The following CCSER1 variants were observed in gnomAD, a reference collection of about 807,000 sequenced individuals.
The protein encoded by CCSER1 is serine-rich coiled-coil domain-containing protein 1.
In CCSER1, 41 loss-of-function variants were observed where a neutral mutation model predicts 82.0. The ratio of observed to expected loss-of-function variants is 0.50; its 90% confidence interval spans 0.39 to 0.65. The LOEUF is 0.65. Among genes scored for constraint, CCSER1 ranks in the 30% least tolerant of loss-of-function variants. The pLI is 0.00. For synonymous variants in CCSER1, 414 were observed against 383.9 expected (o/e 1.08, Z -0.92); for missense variants, 1,119 against 1,064.2 (o/e 1.05, Z -0.72).
rs554991954 is a variant in CCSER1 at position 91,080,639 on chromosome 4, G to T, written c.2173-5311G>T. 2.6e-5 allele frequency among the ~76,000 whole-genome samples: 4 copies of T among 152,142 alleles called. No homozygotes were observed. In the South Asian group the frequency reaches 8.3e-4, roughly 32 times the overall value. On this transcript the variant is annotated intron_variant, in intron 9 of 10. Transcript: ENST00000509176. Reference sequence around the variant, plus strand: ...CAATGAATCCTGGAGCTGGTTTTCTGAAAAGATCAACAAAATTGATAGACC... The same window carrying T: ...CAATGAATCCTGGAGCTGGTTTTCTTAAAAGATCAACAAAATTGATAGACC...
chr4:91,442,262 A>G (rs1469001366), intron 10 of CCSER1, among the ~76,000 whole-genome samples: 2 of 151,934 alleles, frequency 1.3e-5, no homozygotes, highest in East Asian at 1.9e-4. Flanking sequence ...TGGTACTGGT[A>G]CCAAAACAGA....
intron 5 of CCSER1, among the ~76,000 whole-genome samples, chr4:90,522,561 G>A (rs1238999449): frequency 6.6e-6 from 1 of 152,068 alleles, no homozygotes; most frequent in Non-Finnish European, 1.5e-5. Flanking sequence ...TCAAGCCCAA[G>A]TTTTTCCCTC....
chr4:90,931,245 A>G (rs1213034545), intron 9 of CCSER1, among the ~76,000 whole-genome samples: 1 of 151,584 alleles, frequency 6.6e-6, no homozygotes, highest in Non-Finnish European at 1.5e-5. Flanking sequence ...TATTATTCCT[A>G]TTATAGAAGT....
At chr4:91,399,210 A>G (rs1752173736) in intron 10 of CCSER1, among the ~76,000 whole-genome samples, 1 of 151,932 alleles carries the variant, frequency 6.6e-6, no homozygotes, top group Non-Finnish European at 1.5e-5. Flanking sequence ...TGATCATGCA[A>G]GACATGATAA....
intron 6 of CCSER1, among the ~76,000 whole-genome samples, chr4:90,629,503 T>C (rs1355886317): frequency 1.3e-5 from 2 of 152,296 alleles, no homozygotes; most frequent in East Asian, 1.9e-4. Flanking sequence ...ATGAGACTTA[T>C]TCACTACCAT....
chr4:90,620,572 C>T (rs552943326), intron 5 of CCSER1, among the ~76,000 whole-genome samples: 50 of 152,150 alleles, frequency 3.3e-4, no homozygotes, highest in Non-Finnish European at 6.2e-4. Flanking sequence ...AATAGTTACA[C>T]AGTTAATTAT....
intron 1 of CCSER1, among the ~76,000 whole-genome samples, chr4:90,244,156 G>C (rs1720983010): frequency 6.6e-6 from 1 of 152,186 alleles, no homozygotes; most frequent in African/African-American, 2.4e-5. Context: ...GCTGCACACA[G>C]AGGTTATTTA....
At chr4:91,570,549 G>A (rs899841831) in intron 10 of CCSER1, among the ~76,000 whole-genome samples, 5 of 152,190 alleles carry the variant, frequency 3.3e-5, no homozygotes, top group Admixed American at 2.0e-4. Flanking sequence ...ACATGTGTAA[G>A]CCACCAAGGC....
chr4:91,296,624 G>C (rs1744207312), intron 10 of CCSER1, among the ~76,000 whole-genome samples: 1 of 148,814 alleles, frequency 6.7e-6, no homozygotes, highest in African/African-American at 2.5e-5. Flanking sequence ...GGTATATATA[G>C]TTGTGTGTAT....
At chr4:90,589,805 A>G (rs1200742761) in intron 5 of CCSER1, among the ~76,000 whole-genome samples, 1 of 152,204 alleles carries the variant, frequency 6.6e-6, no homozygotes, top group African/African-American at 2.4e-5. Flanking sequence ...TTCTATTTAA[A>G]CTAGAAACTT....
chr4:90,543,365 T>C (rs138424911), intron 5 of CCSER1, among the ~76,000 whole-genome samples: 20 of 152,290 alleles, frequency 1.3e-4, no homozygotes, highest in East Asian at 5.8e-4. Context: ...ATTGTAAATA[T>C]GCAGGTGGGC....
chr4:90,342,116 G>T (rs1244050547), intron 3 of CCSER1, among the ~76,000 whole-genome samples: 1 of 152,132 alleles, frequency 6.6e-6, no homozygotes, highest in African/African-American at 2.4e-5. Flanking sequence ...GTAAATGCAG[G>T]CAGTGTGTAA....
At chr4:91,506,116 T>C (rs180873300) in intron 10 of CCSER1, among the ~76,000 whole-genome samples, 1 of 152,258 alleles carries the variant, frequency 6.6e-6, no homozygotes, top group East Asian at 1.9e-4. Flanking sequence ...TTGTATAAGG[T>C]GTAAGGAAGG....
chr4:90,407,227 A>G (rs112360003), intron 4 of CCSER1, among the ~76,000 whole-genome samples: 4,971 of 152,310 alleles, frequency 0.033, 96 homozygotes, highest in African/African-American at 0.057. Flanking sequence ...CAAAGCTACC[A>G]TGAACACCTT....
intron 10 of CCSER1, among the ~76,000 whole-genome samples, chr4:91,376,655 G>A (rs574211793): frequency 6.6e-6 from 1 of 152,226 alleles, no homozygotes; most frequent in African/African-American, 2.4e-5. Context: ...TAAACTAAGA[G>A]ATGAAGTTTT....
At chr4:90,619,164 T>G (rs939962082) in intron 5 of CCSER1, among the ~76,000 whole-genome samples, 3 of 151,962 alleles carry the variant, frequency 2.0e-5, no homozygotes, top group Non-Finnish European at 4.4e-5. Flanking sequence ...GGAACTGAAC[T>G]TCTAGCAAAT....
intron 1 of CCSER1, among the ~76,000 whole-genome samples, chr4:90,161,624 A>T (rs747791080): frequency 1.3e-5 from 2 of 152,118 alleles, no homozygotes; most frequent in South Asian, 2.1e-4. Context: ...ATTGAATTAG[A>T]TAGTATATAT....
chr4:90,533,352 C>G (rs1165506806), intron 5 of CCSER1, among the ~76,000 whole-genome samples: 1 of 152,138 alleles, frequency 6.6e-6, no homozygotes, highest in African/African-American at 2.4e-5. Flanking sequence ...GCCTTGGCCT[C>G]CCAAAGTGCT....
intron 10 of CCSER1, among the ~76,000 whole-genome samples, chr4:91,445,585 TTC>T (rs1468532732): frequency 6.6e-6 from 1 of 152,118 alleles, no homozygotes; most frequent in Admixed American, 6.6e-5. Flanking sequence ...TTCGTTATCA[TTC>T]TCTCTCACTT....
Sources: allele counts gnomAD v4.1 joint callset (sites outside exome capture counted in the v4.1 genomes callset), GRCh38; gene constraint gnomAD v4.1.1; transcripts MANE v1.5; gene names NCBI Gene and HGNC (gene_info 2026-07-23, HGNC 2026-07-21).